Variants in CENPC observed in about 807,000 individuals in gnomAD.
CENPC encodes the protein centromere protein C.
In CENPC, 63 loss-of-function variants were observed where a neutral mutation model predicts 112.1. The observed-to-expected ratio is 0.56, with a 90% CI of 0.46 to 0.69. The LOEUF (loss-of-function observed/expected upper bound fraction) is 0.69, where lower values mean the gene tolerates loss of function less well. CENPC is among the 30% of genes least tolerant of loss of function. The pLI, the probability that CENPC is intolerant of heterozygous loss-of-function variation, is 0.00. For synonymous variants in CENPC, 333 were observed against 367.6 expected (o/e 0.91, Z 1.08); for missense variants, 1,000 against 1,103.8 (o/e 0.91, Z 1.33).
At chr4:67,534,822 AGAG>A (rs1726667946) in intron 4 of CENPC, among the ~76,000 whole-genome samples, 1 of 152,230 alleles carries the variant, frequency 6.6e-6, no homozygotes, top group South Asian at 2.1e-4. Context: ...CTTTCAAACA[AGAG>A]GAGACAGCTA....
chr4:67,484,602 G>C (rs1289994806), intron 17 of CENPC, among the ~76,000 whole-genome samples: 1 of 152,166 alleles, frequency 6.6e-6, no homozygotes, highest in Non-Finnish European at 1.5e-5. Flanking sequence ...AAAATCTAAT[G>C]CCAACTCCCA....
chr4:67,487,393 C>G (rs1227329684), intron 17 of CENPC, among the ~76,000 whole-genome samples: 1 of 151,578 alleles, frequency 6.6e-6, no homozygotes, highest in Non-Finnish European at 1.5e-5. Flanking sequence ...TGAAGTTATT[C>G]TTGTTAATAC....
intron 17 of CENPC, among the ~76,000 whole-genome samples, chr4:67,489,223 T>TACAC (rs1560422010): frequency 7.0e-6 from 1 of 143,186 alleles, no homozygotes; most frequent in East Asian, 2.0e-4. Context: ...CACACACACA[T>TACAC]ACACACATAT....
At chr4:67,518,395 G>A in intron 6 of CENPC, 27 bp from the exon 7 acceptor site, 1 of 1,493,738 alleles carries the variant, frequency 6.7e-7, no homozygotes, top group Non-Finnish European at 8.9e-7. Flanking sequence ...AGGGTAAGCT[G>A]AATGCTCCCG....
At chr4:67,501,871 A>T (rs1725599193) in intron 12 of CENPC, among the ~76,000 whole-genome samples, 1 of 152,188 alleles carries the variant, frequency 6.6e-6, no homozygotes, top group South Asian at 2.1e-4. Context: ...TAAAATGTGG[A>T]CAATTGTGAA....
chr4:67,514,361 G>A lies in CENPC; in HGVS notation c.1157C>T (p.Ala386Val), dbSNP rs752427711. 4 of 1,612,704 alleles carry A rather than the reference G, an allele frequency of 2.5e-6. No individual in the cohort carries two copies. In the African/African-American group the frequency reaches 5.3e-5, roughly 22 times the overall value. ...SDKTVLDTSY[A>V]LIGETVNNYR... ...ATTATTTACTGTTTCACCTATCAAA[G>A]CATAACTTGTATCCAGTACTGTTTT... Residue 386 changes from alanine to valine, a missense_variant, in exon 8 of 19, where the codon GCT (alanine) becomes GTT (valine). By Grantham distance (64) the Ala-to-Val change is moderately conservative (BLOSUM62 0). Transcript: ENST00000273853.
chr4:67,544,530 T>C (rs957772753), intron 1 of CENPC, among the ~76,000 whole-genome samples: 4 of 152,248 alleles, frequency 2.6e-5, no homozygotes, highest in Admixed American at 6.5e-5. Context: ...TATGTTTATA[T>C]GTATAACGTC....
chr4:67,511,594 G>T (rs1231892187), intron 9 of CENPC, among the ~76,000 whole-genome samples: 1 of 152,122 alleles, frequency 6.6e-6, no homozygotes. Context: ...ATTGGCAAAC[G>T]TGGTGTTGTG....
At chr4:67,483,357 A>T (rs1223938075) in intron 17 of CENPC, among the ~76,000 whole-genome samples, 1 of 89,798 alleles carries the variant, frequency 1.1e-5, no homozygotes, top group Non-Finnish European at 2.3e-5. Flanking sequence ...ATCTCAATGA[A>T]AGAAAAAAAA....
chr4:67,540,944 C>G (rs1216494593), intron 3 of CENPC, 36 bp downstream of exon 3: 1 of 1,399,572 alleles, frequency 7.1e-7, no homozygotes, highest in East Asian at 2.3e-5. Context: ...TTTCATCCAT[C>G]TAACCCTTAA....
chr4:67,525,963 G>C (rs355494), intron 5 of CENPC, among the ~76,000 whole-genome samples: 95,861 of 152,038 alleles, frequency 0.63, 30,470 homozygotes, highest in East Asian at 0.81. Flanking sequence ...AAATGTGACA[G>C]ATATACACCA....
chr4:67,530,946 A>AT, intron 4 of CENPC, 32 bp from the exon 5 acceptor site: 1 of 1,129,412 alleles, frequency 8.9e-7, no homozygotes, highest in South Asian at 1.5e-5. Context: ...CATTAGAACT[A>AT]TTTTATTAAC....
intron 16 of CENPC, among the ~76,000 whole-genome samples, chr4:67,491,515 A>AGC (rs1278227858): frequency 4.9e-5 from 7 of 141,982 alleles, no homozygotes; most frequent in African/African-American, 1.8e-4. Flanking sequence ...AGAGAGAGAG[A>AGC]GAGAGAGAGA....
chr4:67,500,845 G>A (rs1220525829), intron 12 of CENPC, among the ~76,000 whole-genome samples: 1 of 152,172 alleles, frequency 6.6e-6, no homozygotes, highest in African/African-American at 2.4e-5. Context: ...TAATTCAAGT[G>A]GGAGTCTTGA....
At chr4:67,512,342 A>AATG in intron 9 of CENPC, 60 bp downstream of exon 9, 1 of 1,195,332 alleles carries the variant, frequency 8.4e-7, no homozygotes, top group South Asian at 1.5e-5. Flanking sequence ...AATCAAACAT[A>AATG]ATGCCCCTTA....
At chr4:67,539,797 C>A in intron 4 of CENPC, 43 bp downstream of exon 4, 1 of 1,051,816 alleles carries the variant, frequency 9.5e-7, no homozygotes, top group South Asian at 1.5e-5. Context: ...TACCTTCATT[C>A]ATTAAAATAT....
chr4:67,496,317 T>C (rs1272939892), intron 12 of CENPC, among the ~76,000 whole-genome samples: 1 of 152,166 alleles, frequency 6.6e-6, no homozygotes, highest in Non-Finnish European at 1.5e-5. Context: ...AATTCATGAG[T>C]GTACTCAAGT....
At chr4:67,475,020 T>C (rs1233777055) in intron 17 of CENPC, 42 bp from the exon 18 acceptor site, 4 of 1,073,128 alleles carry the variant, frequency 3.7e-6, no homozygotes, top group Admixed American at 2.6e-5. Flanking sequence ...AACTGAACCA[T>C]GATAATACTT....
intron 12 of CENPC, among the ~76,000 whole-genome samples, chr4:67,495,952 A>G (rs1237621666): frequency 6.6e-6 from 1 of 152,174 alleles, no homozygotes; most frequent in Non-Finnish European, 1.5e-5. Flanking sequence ...TTCTCCTTCA[A>G]TCTCTGCTGG....
Sources: allele counts gnomAD v4.1 joint callset (sites outside exome capture counted in the v4.1 genomes callset), GRCh38; gene constraint gnomAD v4.1.1; transcripts MANE v1.5; gene names NCBI Gene and HGNC (gene_info 2026-07-23, HGNC 2026-07-21).